Variants in ZNF208 observed in about 807,000 individuals in gnomAD.
The protein encoded by ZNF208 is zinc finger protein 208, also known as zinc finger protein 95.
A neutral mutation model predicts 12.1 loss-of-function variants in ZNF208; 10 were observed. The observed-to-expected ratio is 0.83, with a 90% CI of 0.51 to 1.40. The LOEUF (loss-of-function observed/expected upper bound fraction) is 1.40. ZNF208 is among the 40% of genes most tolerant of loss of function. The pLI, the probability that ZNF208 is intolerant of heterozygous loss-of-function variation, is 0.00. For synonymous variants in ZNF208, 497 were observed against 488.4 expected (o/e 1.02, Z -0.23); for missense variants, 1,652 against 1,485.0 (o/e 1.11, Z -1.85).
intron 1 of ZNF208, chr19:21,997,680 GCCTGCAGGCCT>G (rs1485829975): frequency 2.4e-5 from 4 of 167,756 alleles, no homozygotes; most frequent in Non-Finnish European, 3.6e-5. Context: ...CAGGAGGAGA[GCCTGCAGGCCT>G]CCTGGGTAGA....
At chr19:21,977,946 A>G (rs549551584) in intron 3 of ZNF208, among the ~76,000 whole-genome samples, 1 of 152,282 alleles carries the variant, frequency 6.6e-6, no homozygotes, top group Admixed American at 6.5e-5. Context: ...TTACCCTCAG[A>G]GTATAAACAA....
At chr19:22,001,892 C>CAAAAAAAAAACAAAAAAAAAAAAAAAAA (rs1970956656) in intron 1 of ZNF208, among the ~76,000 whole-genome samples, 1 of 74,106 alleles carries the variant, frequency 1.3e-5, no homozygotes, top group Non-Finnish European at 2.7e-5. Context: ...GACTCCATCC[C>CAAAAAAAAAACAAAAAAAAAAAAAAAAA]AAAAAAAAAA....
intron 4 of ZNF208, chr19:21,941,334 G>A: frequency 5.0e-6 from 2 of 398,820 alleles, no homozygotes; most frequent in East Asian, 3.6e-5. Context: ...GAGTTGATGA[G>A]TCTCGGAAAC....
At chr19:21,980,629 T>C (rs1463942158) in intron 3 of ZNF208, among the ~76,000 whole-genome samples, 1 of 151,954 alleles carries the variant, frequency 6.6e-6, no homozygotes, top group Non-Finnish European at 1.5e-5. Context: ...GATCTAAAAT[T>C]GACACCCTAA....
chr19:21,987,069 T>G (rs1168668023), intron 3 of ZNF208, 147 bp downstream of exon 3: 1 of 757,346 alleles, frequency 1.3e-6, no homozygotes, highest in South Asian at 2.5e-5. Context: ...TGCCCCTGTG[T>G]GAGAGAAAAT....
intron 3 of ZNF208, among the ~76,000 whole-genome samples, chr19:21,979,867 A>G (rs2145558514): frequency 6.6e-6 from 1 of 152,324 alleles, no homozygotes; most frequent in South Asian, 2.1e-4. Flanking sequence ...GCTCAAAATA[A>G]AGTTATGGAG....
intron 3 of ZNF208, among the ~76,000 whole-genome samples, chr19:21,976,850 C>T (rs892309786): frequency 1.2e-4 from 18 of 152,004 alleles, no homozygotes; most frequent in Admixed American, 7.9e-4. Flanking sequence ...CATGAGCCAC[C>T]GTGCCCAGGC....
rs1970356269 is a variant in ZNF208 at position 21,973,611 on chromosome 19, G to C, written c.1423C>G (p.His475Asp). ...FSILTKHKVI[H>D]NGEKPYKCEE... is the part of the protein sequence containing the mutation. ...CATTTGTAGGGTTTCTCTCCATTAT[G>C]AATTACCTTATGTTTAGTAAGGATT... Residue 475 changes from histidine (H) to aspartate (D), a missense_variant, in exon 4 of 4, where the codon CAT (histidine) becomes GAT (aspartate). Physicochemically the swap from His to Asp is moderately conservative, Grantham distance 81. Around this residue, in one of 3 missense-constraint regions of ZNF208, gnomAD observed 1,239 missense variants for 1,086.2 expected, o/e 1.14. Transcript: ENST00000397126. 4 of 1,612,750 alleles carry C rather than the reference G, an allele frequency of 2.5e-6. No individual in the cohort carries two copies. The highest frequency in any genetic ancestry group is 3.4e-6 in the Non-Finnish European group (4 of 1,179,680).
intron 3 of ZNF208, among the ~76,000 whole-genome samples, chr19:21,978,889 T>C (rs1314759207): frequency 6.6e-6 from 1 of 152,116 alleles, no homozygotes; most frequent in Non-Finnish European, 1.5e-5. Flanking sequence ...CATAAATGCC[T>C]GATGGAGATG....
chr19:22,000,743 A>T (rs1480942012), intron 1 of ZNF208, among the ~76,000 whole-genome samples: 1 of 152,176 alleles, frequency 6.6e-6, no homozygotes, highest in Non-Finnish European at 1.5e-5. Flanking sequence ...GACATGAAAA[A>T]TTACAAAATA....
intron 4 of ZNF208, among the ~76,000 whole-genome samples, chr19:21,949,230 T>C (rs1410780029): frequency 1.3e-5 from 2 of 152,184 alleles, no homozygotes; most frequent in Non-Finnish European, 2.9e-5. Context: ...AGTTGAAACT[T>C]TGCAGTATTT....
chr19:21,960,537 T>G (rs1859093), intron 4 of ZNF208, among the ~76,000 whole-genome samples: 84,735 of 151,982 alleles, frequency 0.56, 23,884 homozygotes, highest in East Asian at 0.69. Context: ...AAAAATGTCT[T>G]AGAGGTGGGC....
At chr19:21,947,081 T>C (rs1470409611) in intron 4 of ZNF208, among the ~76,000 whole-genome samples, 2 of 152,166 alleles carry the variant, frequency 1.3e-5, no homozygotes, top group African/African-American at 2.4e-5. Context: ...AGTCAGTCAG[T>C]GTCTTAGTCA....
chr19:21,979,636 G>A (rs933896543), intron 3 of ZNF208, among the ~76,000 whole-genome samples: 4 of 152,178 alleles, frequency 2.6e-5, no homozygotes, highest in African/African-American at 9.7e-5. Context: ...ATACCAAATT[G>A]TAAAGATCAT....
chr19:21,946,960 A>AT (rs949104696), intron 4 of ZNF208, among the ~76,000 whole-genome samples: 2 of 147,870 alleles, frequency 1.4e-5, no homozygotes, highest in African/African-American at 5.0e-5. Context: ...TTTTCATTTC[A>AT]TTTTTTTTCT....
intron 3 of ZNF208, among the ~76,000 whole-genome samples, chr19:21,978,948 TG>T (rs1970484586): frequency 6.6e-6 from 1 of 151,804 alleles, no homozygotes; most frequent in South Asian, 2.1e-4. Flanking sequence ...TGTCAACAGC[TG>T]AATCGATAAA....
chr19:21,973,816 A>G lies in ZNF208; in HGVS notation c.1218T>C (p.Phe406=). 6.2e-7 allele frequency: 1 copy of G among 1,605,510 alleles called. No individual in the cohort carries two copies. Among genetic ancestry groups the G allele is most frequent in the East Asian group, 2.2e-5 (1 of 44,580 alleles). The part of the protein sequence containing the change: ...PYKCEECGKG[F]SMFSILTKHE... ...GTTTAGTAAGGATTGAGAACATACTAAAACCTTTGCCACATTCTTCACATT... is the reference window on the plus strand; with the variant it reads ...GTTTAGTAAGGATTGAGAACATACTGAAACCTTTGCCACATTCTTCACATT... The change falls in exon 4 of 4, where the codon TTT becomes TTC. Residue 406 remains phenylalanine, a synonymous_variant. Coordinates refer to ENST00000397126, the MANE Select transcript of ZNF208 (RefSeq NM_007153.3).
chr19:21,957,416 TG>T (rs1969993486), intron 4 of ZNF208, among the ~76,000 whole-genome samples: 1 of 152,216 alleles, frequency 6.6e-6, no homozygotes, highest in Non-Finnish European at 1.5e-5. Context: ...TGGGAGGGTT[TG>T]TTTTCCTTTA....
chr19:21,973,848 G>C lies in ZNF208; in HGVS notation c.1186C>G (p.Pro396Ala). Residue 396 changes from proline (P) to alanine (A), a missense_variant, in exon 4 of 4, where the codon CCC (proline) becomes GCC (alanine). Physicochemically the swap from Pro to Ala is conservative, Grantham distance 27 (BLOSUM62 -1). Coordinates refer to ENST00000397126, the MANE Select transcript of ZNF208 (RefSeq NM_007153.3). ...YHKKIHTGEK[P>A]YKCEECGKGF... Reference sequence around the variant, plus strand: ...TTGCCACATTCTTCACATTTGTAGGGTTTCTCTCCAGTATGAATTTTCTTA... The same window carrying C: ...TTGCCACATTCTTCACATTTGTAGGCTTTCTCTCCAGTATGAATTTTCTTA... 6.2e-7 allele frequency: 1 copy of C among 1,613,078 alleles called. No homozygotes were observed.
Sources: gnomAD v4.1 joint callset for allele counts (sites outside exome capture counted in the v4.1 genomes callset) on GRCh38, gnomAD v4.1.1 for gene constraint, gnomAD v4.1.1 regional missense constraint, MANE v1.5 for transcripts, NCBI Gene and HGNC (gene_info 2026-07-23, HGNC 2026-07-21) for gene names.